The following TMTC1 variants were observed in gnomAD, a reference collection of about 807,000 sequenced individuals.
TMTC1 encodes transmembrane O-mannosyltransferase targeting cadherins 1.
TMTC1 carries 73 observed loss-of-function variants against 104.8 expected under a neutral mutation model. That is an observed-to-expected ratio of 0.70 (90% CI 0.58 to 0.85). The LOEUF is 0.85. TMTC1 is among the 40% of genes least tolerant of loss of function. The probability of loss-of-function intolerance (pLI) is 0.00; values close to 1 mark genes in which losing one functional copy is unlikely to be tolerated. For synonymous variants in TMTC1, 434 were observed against 428.7 expected, an observed-to-expected ratio of 1.01 and a Z score of -0.15; for missense variants, 1,035 against 1,096.1, an observed-to-expected ratio of 0.94 and a Z score of 0.79.
At chr12:29,608,454 T>G (rs918571622) in intron 6 of TMTC1, among the ~76,000 whole-genome samples, 1 of 152,146 alleles carries the variant, frequency 6.6e-6, no homozygotes, top group Non-Finnish European at 1.5e-5. Flanking sequence ...AGAGAAGAGA[T>G]ATGAGAACTA....
chr12:29,783,884 C>T lies in TMTC1; in HGVS notation c.-133G>A. ...GGTGCTGCGGCAGCTGGACCCGCCG[C>T]GAGCTCCCCGCGCTCCGCCGCCGCC... On this transcript the variant is annotated 5_prime_UTR_variant, in exon 1 of 18. Coordinates refer to ENST00000539277, the MANE Select transcript of TMTC1 (RefSeq NM_001193451.2). The surrounding 1 kb of genome is among the most constrained non-coding windows in gnomAD (Gnocchi z 4.7). 5.7e-6 allele frequency: 5 copies of T among 879,498 alleles called. No homozygotes were observed. Among genetic ancestry groups the T allele is most frequent in the Non-Finnish European group, 6.9e-6 (5 of 720,004 alleles). 54.5% of individuals were successfully genotyped at this position (879,498 alleles called of 1,614,324 possible). A position where few individuals can be genotyped will look rare whatever the true frequency, so the allele number is the denominator to read the frequency against.
intron 7 of TMTC1, among the ~76,000 whole-genome samples, chr12:29,593,727 A>G (rs1447049038): frequency 6.6e-6 from 1 of 152,258 alleles, no homozygotes; most frequent in African/African-American, 2.4e-5. Flanking sequence ...AAGACAATGT[A>G]AAGTATAATC....
intron 1 of TMTC1, among the ~76,000 whole-genome samples, chr12:29,771,320 C>T (rs1030864403): frequency 6.6e-6 from 1 of 152,056 alleles, no homozygotes; most frequent in East Asian, 1.9e-4. Context: ...ATATAAAAGA[C>T]AACAAAATAC....
chr12:29,690,298 G>A (rs555778938), intron 5 of TMTC1, among the ~76,000 whole-genome samples: 97 of 152,186 alleles, frequency 6.4e-4, no homozygotes, highest in African/African-American at 2.2e-3. Flanking sequence ...GAGATGAGAC[G>A]GAAGGAAAAT....
chr12:29,580,697 C>T (rs1442488684), intron 8 of TMTC1, among the ~76,000 whole-genome samples: 1 of 152,154 alleles, frequency 6.6e-6, no homozygotes, highest in African/African-American at 2.4e-5. Flanking sequence ...CTGTTTTGGG[C>T]CATTACGGCT....
chr12:29,539,974 T>C (rs1944750784), intron 10 of TMTC1, among the ~76,000 whole-genome samples: 1 of 152,202 alleles, frequency 6.6e-6, no homozygotes, highest in African/African-American at 2.4e-5. Context: ...CTTCCCTGAC[T>C]TGCCCAGCTC....
intron 7 of TMTC1, among the ~76,000 whole-genome samples, chr12:29,600,011 T>A (rs868666568): frequency 0.098 from 13,625 of 139,252 alleles, 893 homozygotes; most frequent in Non-Finnish European, 0.13. Context: ...TATATATATT[T>A]TTTTTTTTTT....
intron 5 of TMTC1, among the ~76,000 whole-genome samples, chr12:29,650,287 G>A (rs1471867234): frequency 6.6e-6 from 1 of 151,932 alleles, no homozygotes; most frequent in Non-Finnish European, 1.5e-5. Context: ...GTTTCACCAT[G>A]TTAGCCAGGC....
chr12:29,603,077 TG>T (rs1354541771), intron 7 of TMTC1, among the ~76,000 whole-genome samples: 1 of 152,142 alleles, frequency 6.6e-6, no homozygotes, highest in Non-Finnish European at 1.5e-5. Context: ...TATAAAGAAT[TG>T]TGTTGTATTT....
Position 29,509,221 on chromosome 12 carries a change from A to G in TMTC1, c.2509-2235T>C, listed in dbSNP as rs542933229. On this transcript the variant is annotated intron_variant, in intron 17 of 17. Transcript: ENST00000539277. ...GTCATGAGGCAGTACTGAAAATCAG[A>G]CTTTGTGCTATAGCCTGGTTGATGC... Among the ~76,000 whole-genome samples, 3 of 152,286 alleles carry G rather than the reference A, an allele frequency of 2.0e-5. No homozygotes were observed. In the East Asian group the frequency reaches 5.8e-4, roughly 29 times the overall value.
intron 10 of TMTC1, among the ~76,000 whole-genome samples, chr12:29,556,052 C>CTTTT (rs34199321): frequency 5.3e-4 from 79 of 149,512 alleles, no homozygotes; most frequent in African/African-American, 1.8e-3. Flanking sequence ...ATTTGTTAAC[C>CTTTT]TTTTTTTTTT....
At chr12:29,590,492 A>G (rs1374148767) in intron 7 of TMTC1, among the ~76,000 whole-genome samples, 1 of 152,196 alleles carries the variant, frequency 6.6e-6, no homozygotes, top group Non-Finnish European at 1.5e-5. Context: ...TTTGCCTTTA[A>G]AAATCCACGT....
At chr12:29,653,806 T>C (rs1565742564) in intron 5 of TMTC1, among the ~76,000 whole-genome samples, 2 of 152,244 alleles carry the variant, frequency 1.3e-5, no homozygotes. Context: ...GATCCAACTC[T>C]GTAAGGAATC....
At chr12:29,727,104 C>T (rs182487) in intron 5 of TMTC1, among the ~76,000 whole-genome samples, 53,414 of 152,088 alleles carry the variant, frequency 0.35, 10,001 homozygotes, top group Non-Finnish European at 0.42. Context: ...CCATAACACA[C>T]AATGTCTCAG....
chr12:29,714,683 A>G (rs917607995), intron 5 of TMTC1, among the ~76,000 whole-genome samples: 2 of 152,264 alleles, frequency 1.3e-5, no homozygotes, highest in Non-Finnish European at 2.9e-5. Flanking sequence ...GGACCACAGT[A>G]TAAGAACCAC....
chr12:29,609,091 A>C (rs777331229), intron 6 of TMTC1, among the ~76,000 whole-genome samples: 1 of 152,212 alleles, frequency 6.6e-6, no homozygotes, highest in Non-Finnish European at 1.5e-5. Context: ...AAATAGGCTT[A>C]TTATAGTAAT....
chr12:29,586,187 T>A (rs894197559), intron 7 of TMTC1, among the ~76,000 whole-genome samples: 3 of 150,912 alleles, frequency 2.0e-5, no homozygotes, highest in Admixed American at 6.6e-5. Flanking sequence ...AGGTATTTTA[T>A]TCTCTTTGAA....
intron 5 of TMTC1, among the ~76,000 whole-genome samples, chr12:29,668,578 A>G (rs954639921): frequency 2.0e-5 from 3 of 146,404 alleles, no homozygotes; most frequent in Non-Finnish European, 4.4e-5. Context: ...CTCCTGCCTC[A>G]GCCCCTCTAG....
chr12:29,710,356 G>A lies in TMTC1; in HGVS notation c.938+41310C>T, dbSNP rs114198552. Reference sequence around the variant, plus strand: ...TTAGTCTGCAGGCTGCTCTTTCCTTGCAGCCATTGGAACCACACTCCTATT... The same window carrying A: ...TTAGTCTGCAGGCTGCTCTTTCCTTACAGCCATTGGAACCACACTCCTATT... On this transcript the variant is annotated intron_variant, in intron 5 of 17. Transcript: ENST00000539277. 6.4e-3 allele frequency among the ~76,000 whole-genome samples: 965 copies of A among 151,922 alleles called. 10 individuals are homozygous for A. The highest frequency in any genetic ancestry group is 0.022 in the African/African-American group (924 of 41,400).
Sources: allele counts gnomAD v4.1 joint callset (sites outside exome capture counted in the v4.1 genomes callset), GRCh38; gene constraint gnomAD v4.1.1; non-coding constraint Gnocchi (gnomAD v3.1); transcripts MANE v1.5; gene names NCBI Gene and HGNC (gene_info 2026-07-23, HGNC 2026-07-21).